The following ZNF721 variants were observed in gnomAD, a reference collection of about 807,000 sequenced individuals.
ZNF721 encodes the protein zinc finger protein 721.
ZNF721 carries 2 observed loss-of-function variants against 2.4 expected under a neutral mutation model. The ratio of observed to expected loss-of-function variants is 0.82; its 90% CI spans 0.34 to 2.58. ZNF721 has a LOEUF of 2.58. Among genes scored for constraint, ZNF721 ranks in the 30% most tolerant of loss-of-function variants. ZNF721 has a pLI of 0.11. For missense variants in ZNF721, 1,187 were observed against 1,085.5 expected (o/e 1.09, Z -1.31); for synonymous variants, 398 against 381.8 (o/e 1.04, Z -0.50).
chr4:472,753 A>G (rs1402881526), intron 1 of ZNF721, 52 bp from the exon 2 acceptor site: 1 of 1,603,684 alleles, frequency 6.2e-7, no homozygotes, highest in African/African-American at 1.3e-5. Context: ...ACTACAGGTG[A>G]AATGTGTTAA....
chr4:450,620 A>G (rs1375284514), intron 2 of ZNF721, among the ~76,000 whole-genome samples: 1 of 151,666 alleles, frequency 6.6e-6, no homozygotes, highest in Non-Finnish European at 1.5e-5. Flanking sequence ...GGCTTTAATT[A>G]CATGCTTACA....
chr4:481,655 A>C (rs1302945555), intron 1 of ZNF721, among the ~76,000 whole-genome samples: 1 of 150,710 alleles, frequency 6.6e-6, no homozygotes, highest in Non-Finnish European at 1.5e-5. Flanking sequence ...TGCAACCTCC[A>C]CATAAGGAAG....
intron 2 of ZNF721, among the ~76,000 whole-genome samples, chr4:462,095 T>C (rs1553866170): frequency 6.6e-6 from 1 of 152,090 alleles, no homozygotes; most frequent in East Asian, 1.9e-4. Flanking sequence ...AATCACAACA[T>C]TCCTATATAC....
At chr4:492,006 C>G (rs4690271) in intron 1 of ZNF721, among the ~76,000 whole-genome samples, 1 of 150,020 alleles carries the variant, frequency 6.7e-6, no homozygotes, top group African/African-American at 2.5e-5. Context: ...AAAAAAAATA[C>G]AAAAAATTAG....
chr4:458,691 C>A (rs924743543), intron 2 of ZNF721, among the ~76,000 whole-genome samples: 1 of 151,974 alleles, frequency 6.6e-6, no homozygotes, highest in Non-Finnish European at 1.5e-5. Flanking sequence ...ACTAAAAATA[C>A]AAAAATTAGC....
rs1364870295 is a variant in ZNF721 at position 450,952 on chromosome 4, AAAAAATATATATATATAT to A, written c.35-6538_35-6521del. ...ACTCTGTCTCCAAAAAAAAAAAAAAAAAAAATATATATATATATATATATATATATATATATATATATA... is the reference window on the plus strand; with the variant it reads ...ACTCTGTCTCCAAAAAAAAAAAAAAAATATATATATATATATATATATATA... On this transcript the variant is annotated intron_variant, in intron 2 of 2. Coordinates refer to ENST00000511833, the MANE Select transcript of ZNF721 (RefSeq NM_133474.4). Among the ~76,000 whole-genome samples, 173 of 42,064 alleles carry A rather than the reference AAAAAATATATATATATAT, an allele frequency of 4.1e-3. 4 individuals are homozygous for A. The highest frequency in any genetic ancestry group is 0.017 in the African/African-American group (146 of 8,400). The allele number at this position is 42,064 out of a possible 152,430, so 27.6% of individuals were successfully genotyped here.
At chr4:482,232 C>T (rs1434531376) in intron 1 of ZNF721, among the ~76,000 whole-genome samples, 1 of 152,176 alleles carries the variant, frequency 6.6e-6, no homozygotes, top group Non-Finnish European at 1.5e-5. Flanking sequence ...GGCGCCATCC[C>T]GGCTCACTGC....
chr4:477,050 T>C (rs1553868758), intron 1 of ZNF721, among the ~76,000 whole-genome samples: 1 of 152,108 alleles, frequency 6.6e-6, no homozygotes, highest in African/African-American at 2.4e-5. Flanking sequence ...TTGGGCCTTG[T>C]TCACTAAATC....
intron 2 of ZNF721, among the ~76,000 whole-genome samples, chr4:447,943 C>T (rs889842553): frequency 1.3e-5 from 2 of 151,810 alleles, no homozygotes; most frequent in African/African-American, 4.8e-5. Context: ...TAAAGCAACA[C>T]AAAAAAGCAA....
At chr4:466,666 T>C (rs1715263514) in intron 2 of ZNF721, among the ~76,000 whole-genome samples, 1 of 152,012 alleles carries the variant, frequency 6.6e-6, no homozygotes, top group Non-Finnish European at 1.5e-5. Flanking sequence ...GGATGAGATA[T>C]CAAAAAAACA....
intron 1 of ZNF721, among the ~76,000 whole-genome samples, chr4:474,633 T>G (rs1715577589): frequency 6.6e-6 from 1 of 152,082 alleles, no homozygotes; most frequent in South Asian, 2.1e-4. Context: ...TCCCAAAGCT[T>G]TGGGAGGCCG....
chr4:486,149 CTTTTTTTTTTCTTTTCT>C lies in ZNF721; in HGVS notation c.-94+12890_-94+12906del, dbSNP rs1420265759. Among the ~76,000 whole-genome samples, 17 of 94,068 alleles carry C rather than the reference CTTTTTTTTTTCTTTTCT, an allele frequency of 1.8e-4. No homozygotes were observed. In the Admixed American group the frequency reaches 1.9e-3, roughly 11 times the overall value. The allele number at this position is 94,068 out of a possible 152,430, so 61.7% of individuals were successfully genotyped here. On this transcript the variant is annotated intron_variant, in intron 1 of 2. Transcript: ENST00000511833. ...GAAATGCATTGGTTGAGTGTGATTT[CTTTTTTTTTTCTTTTCT>C]TTTTTTTTTTTGAGACGGAGTCTCG...
intron 1 of ZNF721, among the ~76,000 whole-genome samples, chr4:487,651 T>C (rs1277207881): frequency 5.9e-5 from 9 of 152,220 alleles, no homozygotes; most frequent in African/African-American, 1.9e-4. Flanking sequence ...CCTGTAAGTA[T>C]TGATTTTCTT....
chr4:478,470 A>C (rs1715691722), intron 1 of ZNF721, among the ~76,000 whole-genome samples: 6 of 151,756 alleles, frequency 4.0e-5, no homozygotes, highest in Admixed American at 3.9e-4. Context: ...CTCCTCTCTC[A>C]TTTTTTTAAC....
Position 477,899 on chromosome 4 carries a change from C to T in ZNF721, c.-93-5198G>A, listed in dbSNP as rs1368033851. Among the ~76,000 whole-genome samples the T allele has an allele frequency of 2.6e-5, 4 of 152,082 alleles. No homozygotes were observed. In the East Asian group the frequency reaches 7.7e-4, roughly 29 times the overall value. On this transcript the variant is annotated intron_variant, in intron 1 of 2. Coordinates refer to ENST00000511833, the MANE Select transcript of ZNF721 (RefSeq NM_133474.4). Reference sequence around the variant, plus strand: ...ATAGGACTGCTATAGATCACAGGAACCCATGCATGTATGTCAGCTGACAAT... The same window carrying T: ...ATAGGACTGCTATAGATCACAGGAATCCATGCATGTATGTCAGCTGACAAT...
chr4:496,431 A>G (rs1413113311), intron 1 of ZNF721, among the ~76,000 whole-genome samples: 3 of 151,830 alleles, frequency 2.0e-5, no homozygotes, highest in Non-Finnish European at 4.4e-5. Context: ...TGGGGGGGAA[A>G]CCTATTTAGA....
intron 2 of ZNF721, among the ~76,000 whole-genome samples, chr4:445,168 A>G (rs1322665678): frequency 6.6e-6 from 1 of 151,888 alleles, no homozygotes; most frequent in Non-Finnish European, 1.5e-5. Flanking sequence ...TATTTTTAGT[A>G]GAGATGGGGT....
intron 2 of ZNF721, among the ~76,000 whole-genome samples, chr4:468,813 C>G (rs1333915343): frequency 6.6e-6 from 1 of 152,162 alleles, no homozygotes; most frequent in Non-Finnish European, 1.5e-5. Flanking sequence ...AATATACAGA[C>G]ACAGGGCTGC....
At chr4:470,968 G>A (rs1715413719) in intron 2 of ZNF721, among the ~76,000 whole-genome samples, 1 of 150,812 alleles carries the variant, frequency 6.6e-6, no homozygotes, top group South Asian at 2.1e-4. Flanking sequence ...CCACTGCACT[G>A]TAGCCTGGTG....
Sources: allele counts gnomAD v4.1 joint callset (sites outside exome capture counted in the v4.1 genomes callset), GRCh38; gene constraint gnomAD v4.1.1; transcripts MANE v1.5; gene names NCBI Gene and HGNC (gene_info 2026-07-23, HGNC 2026-07-21).